CCDC3: variants seen among roughly 807,000 people sequenced by gnomAD.
The protein encoded by CCDC3 is coiled-coil domain containing 3.
Under a neutral mutation model 21.4 loss-of-function variants are expected in CCDC3, and 24 were observed. That is an observed-to-expected ratio of 1.12 (90% CI 0.81 to 1.58). The LOEUF (loss-of-function observed/expected upper bound fraction) is 1.58, where lower values mean the gene tolerates loss of function less well. Among genes scored for constraint, CCDC3 ranks in the 40% most tolerant of loss-of-function variants. The pLI is 0.00. For synonymous variants in CCDC3, 186 were observed against 166.0 expected, an observed-to-expected ratio of 1.12 and a Z score of -0.93; for missense variants, 425 against 360.9, an observed-to-expected ratio of 1.18 and a Z score of -1.44.
At chr10:13,014,986 AGG>A (rs1282794130) in intron 5 of CCDC3, among the ~76,000 whole-genome samples, 3 of 18,930 alleles carry the variant, frequency 1.6e-4, no homozygotes, top group East Asian at 2.9e-3. Context: ...GCCAACAAAC[AGG>A]GAGTGATTTG....
At chr10:12,988,834 A>G (rs527727736) in intron 2 of CCDC3, among the ~76,000 whole-genome samples, 1 of 152,286 alleles carries the variant, frequency 6.6e-6, no homozygotes, top group African/African-American at 2.4e-5. Flanking sequence ...TAGTAAATAT[A>G]TGTAGAATGA....
intron 4 of CCDC3, among the ~76,000 whole-genome samples, chr10:13,064,808 C>T (rs186004729): frequency 6.6e-6 from 1 of 152,086 alleles, no homozygotes; most frequent in African/African-American, 2.4e-5. Context: ...AAATAAAAGA[C>T]ATACACTGGT....
chr10:12,972,395 G>A (rs1312454611), intron 2 of CCDC3, among the ~76,000 whole-genome samples: 2 of 152,106 alleles, frequency 1.3e-5, no homozygotes. Context: ...TGCTGGATCT[G>A]AATCCTGCCC....
chr10:13,079,830 A>G (rs1468050606), intron 3 of CCDC3, among the ~76,000 whole-genome samples: 12 of 151,970 alleles, frequency 7.9e-5, no homozygotes, highest in Admixed American at 7.9e-4. Flanking sequence ...TGGCTGGCAG[A>G]GGCAGGGAAG....
At chr10:13,031,082 C>T (rs1382311690) in intron 5 of CCDC3, among the ~76,000 whole-genome samples, 1 of 152,068 alleles carries the variant, frequency 6.6e-6, no homozygotes, top group Non-Finnish European at 1.5e-5. Context: ...CAAAATTGAC[C>T]ACATAGTTGG....
At chr10:13,080,005 G>C (rs1837015847) in intron 3 of CCDC3, among the ~76,000 whole-genome samples, 2 of 152,236 alleles carry the variant, frequency 1.3e-5, no homozygotes, top group African/African-American at 4.8e-5. Context: ...TGCTATAAGG[G>C]CTGTGGATGT....
Position 12,957,927 on chromosome 10 carries a change from T to C in CCDC3, c.549+40411A>G, listed in dbSNP as rs555605292. On this transcript the variant is annotated intron_variant, in intron 2 of 2. Transcript: ENST00000378825. ...GTGGCGTGATCTTGGCCTCCTGGGT[T>C]CAAGTGATTTTCCTGCCTCAGCCTC... Among the ~76,000 whole-genome samples the C allele has an allele frequency of 3.0e-3, 455 of 152,208 alleles. 1 individual carries two copies. The highest frequency in any genetic ancestry group is 4.3e-3 in the Non-Finnish European group (294 of 67,998).
At chr10:13,038,374 C>CAA (rs58667035) in intron 5 of CCDC3, among the ~76,000 whole-genome samples, 32,323 of 98,484 alleles carry the variant, frequency 0.33, 4,209 homozygotes, top group Non-Finnish European at 0.41. Flanking sequence ...AGTTGGAAAG[C>CAA]AAAAAAAAAA....
intron 5 of CCDC3, among the ~76,000 whole-genome samples, chr10:13,012,779 A>G (rs1037171235): frequency 2.6e-5 from 4 of 152,102 alleles, no homozygotes; most frequent in African/African-American, 7.2e-5. Flanking sequence ...TAAAAAAAAC[A>G]AAACAAACAA....
intron 5 of CCDC3, among the ~76,000 whole-genome samples, chr10:13,021,097 G>C (rs1161855066): frequency 6.6e-6 from 1 of 152,202 alleles, no homozygotes; most frequent in Non-Finnish European, 1.5e-5. Context: ...AAACTCAAAA[G>C]TGTAGGCTTT....
At chr10:13,035,965 G>A (rs1055725066) in intron 5 of CCDC3, among the ~76,000 whole-genome samples, 1 of 152,140 alleles carries the variant, frequency 6.6e-6, no homozygotes, top group Non-Finnish European at 1.5e-5. Context: ...CTAACATGGT[G>A]AAACCCCGTC....
intron 2 of CCDC3, among the ~76,000 whole-genome samples, chr10:12,994,136 G>C (rs534319481): frequency 1.3e-5 from 2 of 152,242 alleles, no homozygotes; most frequent in African/African-American, 4.8e-5. Context: ...GGTGGCTCAC[G>C]CCTGTAATCC....
intron 5 of CCDC3, among the ~76,000 whole-genome samples, chr10:13,024,487 G>T (rs1428399328): frequency 6.6e-6 from 1 of 152,110 alleles, no homozygotes; most frequent in East Asian, 1.9e-4. Flanking sequence ...TGTTAATAGA[G>T]ATCTTGACCC....
chr10:12,975,417 GA>G (rs1328365649), intron 2 of CCDC3, among the ~76,000 whole-genome samples: 5 of 152,126 alleles, frequency 3.3e-5, no homozygotes, highest in African/African-American at 1.2e-4. Context: ...TTCCACCTTA[GA>G]AAGGAGTAAG....
chr10:12,933,816 T>A (rs1017532127), intron 2 of CCDC3, among the ~76,000 whole-genome samples: 1 of 152,160 alleles, frequency 6.6e-6, no homozygotes, highest in African/African-American at 2.4e-5. Context: ...GGCCCCTCTT[T>A]CATATTTGAT....
chr10:12,944,768 T>A (rs1034984457), intron 2 of CCDC3, among the ~76,000 whole-genome samples: 2 of 152,246 alleles, frequency 1.3e-5, no homozygotes, highest in African/African-American at 4.8e-5. Context: ...ACCTCTGTAG[T>A]ACAAAATTTG....
intron 2 of CCDC3, among the ~76,000 whole-genome samples, chr10:12,917,589 TG>T (rs1164524606): frequency 6.6e-6 from 1 of 152,190 alleles, no homozygotes; most frequent in African/African-American, 2.4e-5. Context: ...TAGGGAGAGT[TG>T]TTCAAACTGA....
intron 5 of CCDC3, among the ~76,000 whole-genome samples, chr10:13,027,901 C>G (rs484742): frequency 0.78 from 118,223 of 151,952 alleles, 47,705 homozygotes; most frequent in Non-Finnish European, 0.88. Flanking sequence ...AAATGTCTGA[C>G]CCAGAATATA....
intron 3 of CCDC3, among the ~76,000 whole-genome samples, chr10:13,075,307 A>G (rs1440937551): frequency 1.3e-5 from 2 of 152,242 alleles, no homozygotes; most frequent in African/African-American, 4.8e-5. Context: ...CTGCATAGTG[A>G]CTGGCACATG....
Sources: gnomAD v4.1 joint callset for allele counts (sites outside exome capture counted in the v4.1 genomes callset) on GRCh38, gnomAD v4.1.1 for gene constraint, MANE v1.5 for transcripts, NCBI Gene and HGNC (gene_info 2026-07-23, HGNC 2026-07-21) for gene names.